MIDN: variants seen among roughly 807,000 people sequenced by gnomAD.
MIDN encodes the protein midbrain nucleolar protein.
A neutral mutation model predicts 46.1 loss-of-function variants in MIDN; 26 were observed. That is an observed-to-expected ratio of 0.56 (90% CI 0.41 to 0.78). The LOEUF is 0.78. MIDN is among the 30% of genes least tolerant of loss of function. MIDN has a pLI of 0.00. For synonymous variants in MIDN, 432 were observed against 343.3 expected, an observed-to-expected ratio of 1.26 and a Z score of -2.86; for missense variants, 850 against 771.8, an observed-to-expected ratio of 1.10 and a Z score of -1.20.
At position 1,254,077 on chromosome 19, in the gene MIDN, C is replaced by T. The variant is rs887961867; in HGVS notation, c.508C>T (p.Pro170Ser). ...GAGCCCAGAGAGGGGCGGCGAGAGG[C>T]CCCAGGTCACAGCGCGGGGGGACTG... ...PQSPERGGER[P>S]QVSDFLSGRS... The change falls in exon 5 of 9, where the codon CCC becomes TCC. Residue 170 changes from proline to serine, a missense_variant. Transcript: ENST00000682408. 2.0e-6 allele frequency: 3 copies of T among 1,494,064 alleles called. No homozygotes were observed. Among genetic ancestry groups the T allele is most frequent in the South Asian group, 1.2e-5 (1 of 81,014 alleles). 92.6% of individuals were successfully genotyped at this position (1,494,064 alleles called of 1,614,324 possible).
rs1248711702 is a variant in MIDN, at chr19:1,250,214, C to G, written c.-83C>G. 3.8e-5 allele frequency: 21 copies of G among 548,770 alleles called. No homozygotes were observed. Among genetic ancestry groups the G allele is most frequent in the Non-Finnish European group, 4.6e-5 (20 of 431,158 alleles). 34.0% of individuals were successfully genotyped at this position (548,770 alleles called of 1,614,324 possible). A position where few individuals can be genotyped will look rare whatever the true frequency, so the allele number is the denominator to read the frequency against. On this transcript the variant is annotated 5_prime_UTR_variant, in exon 2 of 9. Coordinates refer to ENST00000682408, the MANE Select transcript of MIDN (RefSeq NM_001388306.1). ...CCGAGTGCCCGGAGGACCCGGCATC[C>G]GGGGAGCCTCTCGCCCCTGTCCCGG... is the stretch of plus-strand genomic sequence containing the variant.
Position 1,257,538 on chromosome 19 carries a change from CG to C in MIDN, c.*267del, listed in dbSNP as rs1445187245. ...CCTCTTCCTCCTCCTCCTCCTCCTCCGTCTGTCTCCTTTCACCTCTGCGCCA... is the reference window on the plus strand; with the variant it reads ...CCTCTTCCTCCTCCTCCTCCTCCTCCTCTGTCTCCTTTCACCTCTGCGCCA... On this transcript the variant is annotated 3_prime_UTR_variant, in exon 9 of 9. Coordinates refer to ENST00000682408, the MANE Select transcript of MIDN (RefSeq NM_001388306.1). The C allele has an allele frequency of 6.7e-5, 29 of 430,086 alleles. No individual in the cohort carries two copies. The highest frequency in any genetic ancestry group is 5.1e-4 in the Middle Eastern group (1 of 1,978). The allele number at this position is 430,086 out of a possible 1,614,324, so 26.6% of individuals were successfully genotyped here.
At position 1,255,700 on chromosome 19, in the gene MIDN, T is replaced by G; in HGVS notation, c.1258+6T>G. 1 of 1,562,752 alleles carries G rather than the reference T, an allele frequency of 6.4e-7. No homozygotes were observed. The highest frequency in any genetic ancestry group is 8.6e-7 in the Non-Finnish European group (1 of 1,158,116). On this transcript the variant is annotated splice_donor_region_variant and intron_variant, in intron 8 of 8. Transcript: ENST00000682408. ...CCGCATGTGCAAGCCCCCGGGTGAGTGGCCACCCTCGGGGGTCCTACCTTC... is the reference window on the plus strand; with the variant it reads ...CCGCATGTGCAAGCCCCCGGGTGAGGGGCCACCCTCGGGGGTCCTACCTTC...
chr19:1,254,544 T>C (rs1340496415), intron 6 of MIDN, 66 bp downstream of exon 6: 5 of 1,492,650 alleles, frequency 3.3e-6, no homozygotes, highest in Non-Finnish European at 3.6e-6. Flanking sequence ...CCTGGGGAGG[T>C]CTTGGGGAGG....
intron 7 of MIDN, 111 bp downstream of exon 7, chr19:1,255,172 G>A: frequency 7.5e-7 from 1 of 1,329,796 alleles, no homozygotes; most frequent in Non-Finnish European, 1.0e-6. Flanking sequence ...CACAGGCTGT[G>A]TCCGTCTGCT....
In MIDN at chr19:1,250,489, A is replaced by G; in HGVS notation, c.193A>G (p.Lys65Glu). 1 of 1,362,926 alleles carries G rather than the reference A, an allele frequency of 7.3e-7. No homozygotes were observed. The highest frequency in any genetic ancestry group is 9.7e-7 in the Non-Finnish European group (1 of 1,033,988). 84.4% of individuals were successfully genotyped at this position (1,362,926 alleles called of 1,614,324 possible). A position where few individuals can be genotyped will look rare whatever the true frequency, so the allele number is the denominator to read the frequency against. The change falls in exon 2 of 9, where the codon AAA (lysine) becomes GAA (glutamate). Residue 65 changes from lysine (K) to glutamate (E), a missense_variant. By Grantham distance (56) the Lys-to-Glu change is moderately conservative. Coordinates refer to ENST00000682408, the MANE Select transcript of MIDN (RefSeq NM_001388306.1). Reference protein sequence around the residue: ...GLRKRLSQRLKVPKERLALLH... With the variant: ...GLRKRLSQRLEVPKERLALLH... ...GCGCAAGCGGTTGTCCCAGCGCCTC[A>G]AAGTGCCCAAGGAGCGCCTGGCTCT...
chr19:1,254,806 C>T (rs926227828), intron 6 of MIDN, 96 bp from the exon 7 acceptor site: 18 of 1,389,690 alleles, frequency 1.3e-5, no homozygotes, highest in Non-Finnish European at 1.8e-5. Flanking sequence ...GACAGGTCAT[C>T]TCCTGACCTG....
chr19:1,250,957 C>T (rs939071298), intron 2 of MIDN, among the ~76,000 whole-genome samples: 5 of 152,170 alleles, frequency 3.3e-5, no homozygotes, highest in Non-Finnish European at 5.9e-5. Context: ...CCCGCAGCCT[C>T]CCCTCCCCCC....
intron 8 of MIDN, among the ~76,000 whole-genome samples, chr19:1,256,300 G>A (rs897689541): frequency 4.6e-5 from 7 of 152,170 alleles, no homozygotes; most frequent in Non-Finnish European, 8.8e-5. Context: ...TGGCTAACAT[G>A]GTGAAACTCC....
At chr19:1,252,796 C>T (rs902660943) in intron 4 of MIDN, among the ~76,000 whole-genome samples, 2 of 151,904 alleles carry the variant, frequency 1.3e-5, no homozygotes, top group Non-Finnish European at 2.9e-5. Flanking sequence ...CCCTACATCG[C>T]GGGGGCAGGG....
chr19:1,255,209 CCA>C (rs2081183619), intron 7 of MIDN, 148 bp downstream of exon 7: 2 of 1,179,800 alleles, frequency 1.7e-6, no homozygotes, highest in South Asian at 3.0e-5. Context: ...CAGGAATCCC[CCA>C]CACACACGCC....
chr19:1,259,138 AAC>A (rs931459239), exon 9 of MIDN: 7 of 151,934 alleles, frequency 4.6e-5, no homozygotes, highest in Admixed American at 1.3e-4. Flanking sequence ...CAGAAAATGA[AAC>A]ACACATTGAC....
Position 1,255,029 on chromosome 19 carries a change from A to C in MIDN, c.953A>C (p.His318Pro). 6.2e-7 allele frequency: 1 copy of C among 1,613,164 alleles called. No homozygotes were observed. ...GCCGTCATCGAGAGCTTTGTGAATC[A>C]CGCCCCGGGGGTCTTCTCAGGGACC... is the stretch of plus-strand genomic sequence containing the variant. ...PGAVIESFVN[H>P]APGVFSGTFS... is the part of the protein sequence containing the mutation. Residue 318 changes from histidine (H) to proline (P), a missense_variant, in exon 7 of 9, where the codon CAC (histidine) becomes CCC (proline). Transcript: ENST00000682408.
intron 4 of MIDN, among the ~76,000 whole-genome samples, chr19:1,252,267 A>G (rs2081139626): frequency 6.6e-6 from 1 of 151,900 alleles, no homozygotes; most frequent in Non-Finnish European, 1.5e-5. Flanking sequence ...GCTTCCCCAG[A>G]GCGAGTTTCT....
At chr19:1,255,088 T>A in intron 7 of MIDN, 27 bp downstream of exon 7, 7 of 1,599,908 alleles carry the variant, frequency 4.4e-6, no homozygotes, top group Non-Finnish European at 6.0e-6. Flanking sequence ...ATGTGTGAGC[T>A]CACGTGTGTC....
In MIDN at chr19:1,258,400, T is replaced by A. The variant is rs1261855770; in HGVS notation, c.*1128T>A. On this transcript the variant is annotated 3_prime_UTR_variant, in exon 9 of 9. Transcript: ENST00000682408. The stretch of plus-strand genomic sequence containing the variant: ...GGCGGGGTCCGCTGCTGGTCTAATT[T>A]GGACCCCCTGCCTCTCAGTGCCCCT... The A allele has an allele frequency of 1.3e-5, 2 of 152,674 alleles. No individual in the cohort carries two copies. Among genetic ancestry groups the A allele is most frequent in the Middle Eastern group, 3.4e-3 (1 of 296 alleles). 9.5% of individuals were successfully genotyped at this position (152,674 alleles called of 1,614,324 possible).
chr19:1,253,421 A>ACCC (rs59156314), intron 4 of MIDN, among the ~76,000 whole-genome samples: 2 of 144,574 alleles, frequency 1.4e-5, no homozygotes, highest in African/African-American at 2.5e-5. Context: ...AACCTCCGCC[A>ACCC]CCCCCCCCCC....
chr19:1,252,203 C>CTGCA (rs1274142894), intron 4 of MIDN, among the ~76,000 whole-genome samples: 3 of 152,242 alleles, frequency 2.0e-5, no homozygotes, highest in Non-Finnish European at 4.4e-5. Context: ...ACACCCTGGC[C>CTGCA]TGCATCCCCA....
chr19:1,255,546 G>A lies in MIDN; in HGVS notation c.1110G>A (p.Leu370=). Reference sequence around the variant, plus strand: ...ACTACCAGGGCATGCCCCCTTCGCTGGCCCAGCTCCGCTGCCACGCCCAGT... The same window carrying A: ...ACTACCAGGGCATGCCCCCTTCGCTAGCCCAGCTCCGCTGCCACGCCCAGT... ...TRHYQGMPPS[L]AQLRCHAQCS... Residue 370 remains leucine, a synonymous_variant, in exon 8 of 9, where the codon CTG becomes CTA. Transcript: ENST00000682408. 1 of 1,611,898 alleles carries A rather than the reference G, an allele frequency of 6.2e-7. No homozygotes were observed. Among genetic ancestry groups the A allele is most frequent in the Non-Finnish European group, 8.5e-7 (1 of 1,179,578 alleles).
Sources: gnomAD v4.1 joint callset for allele counts (sites outside exome capture counted in the v4.1 genomes callset) on GRCh38, gnomAD v4.1.1 for gene constraint, MANE v1.5 for transcripts, NCBI Gene and HGNC (gene_info 2026-07-23, HGNC 2026-07-21) for gene names.